AFG2A: variants seen among roughly 807,000 people sequenced by gnomAD.
AFG2A encodes ATPase family gene 2 protein homolog A.
chr4:123,231,992 T>C, the AFG2A span, among the ~76,000 whole-genome samples: 7 of 151,926 alleles, frequency 4.6e-5, no homozygotes, highest in Admixed American at 6.6e-5. Context: ...ATAATAAATA[T>C]TATAATAATG....
chr4:123,136,884 T>G, the AFG2A span, among the ~76,000 whole-genome samples: 5 of 151,748 alleles, frequency 3.3e-5, no homozygotes, highest in Non-Finnish European at 7.4e-5. Flanking sequence ...AGTCTGTTGT[T>G]GGGTGCAGTG....
chr4:123,313,607 A>C, the AFG2A span, among the ~76,000 whole-genome samples: 3 of 152,224 alleles, frequency 2.0e-5, no homozygotes, highest in Non-Finnish European at 4.4e-5. Context: ...TTAAGAGCAA[A>C]TGCCCTTAAA....
chr4:123,179,488 C>T, the AFG2A span, among the ~76,000 whole-genome samples: 3 of 152,148 alleles, frequency 2.0e-5, no homozygotes, highest in African/African-American at 7.2e-5. Context: ...GCTGGCAATA[C>T]ACGTGTGCAC....
chr4:122,946,889 T>C, the AFG2A span, among the ~76,000 whole-genome samples: 10 of 152,030 alleles, frequency 6.6e-5, no homozygotes, highest in Admixed American at 6.6e-4. Flanking sequence ...AAAACAATTA[T>C]ATGGTACATA....
chr4:123,045,469 C>G, the AFG2A span, among the ~76,000 whole-genome samples: 2 of 152,170 alleles, frequency 1.3e-5, no homozygotes, highest in African/African-American at 2.4e-5. Flanking sequence ...TTTGTCACAT[C>G]CGTGAAGATT....
the AFG2A span, among the ~76,000 whole-genome samples, chr4:123,238,568 TC>T: frequency 1.6e-4 from 25 of 152,046 alleles, no homozygotes; most frequent in Non-Finnish European, 3.5e-4. Flanking sequence ...TCCAGCAAAC[TC>T]CAACAGACCT....
At chr4:123,156,450 A>G in the AFG2A span, among the ~76,000 whole-genome samples, 1 of 152,288 alleles carries the variant, frequency 6.6e-6, no homozygotes. Context: ...CCTAGTCACC[A>G]TTTTTAAACA....
the AFG2A span, among the ~76,000 whole-genome samples, chr4:123,117,115 T>C: frequency 6.6e-6 from 1 of 152,070 alleles, no homozygotes; most frequent in African/African-American, 2.4e-5. Flanking sequence ...ACTTGTCAGA[T>C]GGGCATTAGT....
the AFG2A span, among the ~76,000 whole-genome samples, chr4:123,304,014 G>C: frequency 4.6e-5 from 7 of 151,902 alleles, no homozygotes; most frequent in Non-Finnish European, 8.8e-5. Flanking sequence ...TCTGAAATCT[G>C]TCCTCTGAAA....
At chr4:122,968,887 T>C in the AFG2A span, among the ~76,000 whole-genome samples, 1 of 152,148 alleles carries the variant, frequency 6.6e-6, no homozygotes, top group East Asian at 1.9e-4. Flanking sequence ...GAGTACTTTT[T>C]ATATTTGAAT....
the AFG2A span, among the ~76,000 whole-genome samples, chr4:123,074,661 G>C: frequency 6.6e-6 from 1 of 151,964 alleles, no homozygotes; most frequent in Non-Finnish European, 1.5e-5. Flanking sequence ...TAAAAATTTT[G>C]CTGTAGTTCA....
the AFG2A span, chr4:122,929,265 G>A: frequency 6.9e-7 from 1 of 1,449,554 alleles, no homozygotes; most frequent in East Asian, 2.5e-5. Context: ...AGTCACAAAT[G>A]TAAACCACAT....
At chr4:123,007,215 A>G in the AFG2A span, among the ~76,000 whole-genome samples, 3 of 152,150 alleles carry the variant, frequency 2.0e-5, no homozygotes, top group African/African-American at 4.8e-5. Flanking sequence ...TGTTTTGAAT[A>G]GGGTTGATTT....
the AFG2A span, among the ~76,000 whole-genome samples, chr4:123,267,879 A>G: frequency 6.6e-6 from 1 of 152,166 alleles, no homozygotes; most frequent in Non-Finnish European, 1.5e-5. Flanking sequence ...AAGTTTACAC[A>G]GGTATTTGAA....
chr4:123,288,039 GA>G, the AFG2A span, among the ~76,000 whole-genome samples: 1 of 152,136 alleles, frequency 6.6e-6, no homozygotes, highest in East Asian at 1.9e-4. Context: ...GAGCCCAGTT[GA>G]AAAAAAGTGG....
the AFG2A span, among the ~76,000 whole-genome samples, chr4:123,034,131 C>A: frequency 6.6e-6 from 1 of 151,668 alleles, no homozygotes; most frequent in East Asian, 1.9e-4. Flanking sequence ...GGTTCCACAA[C>A]CAAACACAGA....
the AFG2A span, among the ~76,000 whole-genome samples, chr4:123,274,335 T>A: frequency 6.6e-6 from 1 of 152,042 alleles, no homozygotes; most frequent in Non-Finnish European, 1.5e-5. Flanking sequence ...GCATACAATT[T>A]CATTTTTGTG....
chr4:123,056,264 A>G, the AFG2A span: 5 of 848,988 alleles, frequency 5.9e-6, no homozygotes, highest in Non-Finnish European at 8.6e-6. Context: ...TAAGCATGCT[A>G]AAGGGATTAA....
At chr4:122,964,586 C>T in the AFG2A span, among the ~76,000 whole-genome samples, 2 of 151,988 alleles carry the variant, frequency 1.3e-5, no homozygotes, top group South Asian at 4.1e-4. Context: ...TAGTACATTC[C>T]CTTATTTCAC....
Sources: allele counts gnomAD v4.1 joint callset (sites outside exome capture counted in the v4.1 genomes callset), GRCh38; gene constraint gnomAD v4.1.1; transcripts MANE v1.5; gene names NCBI Gene and HGNC (gene_info 2026-07-23, HGNC 2026-07-21).